Variants in SYT2 observed in about 807,000 individuals in gnomAD.
SYT2 encodes the protein synaptotagmin 2.
A neutral mutation model predicts 39.9 loss-of-function variants in SYT2; 15 were observed. The observed-to-expected ratio is 0.38, with a 90% CI of 0.25 to 0.58. The LOEUF (loss-of-function observed/expected upper bound fraction) is 0.58. Among genes scored for constraint, SYT2 ranks in the 20% least tolerant of loss-of-function variants. SYT2 has a pLI of 0.70. For missense variants in SYT2, 389 were observed against 530.3 expected, an observed-to-expected ratio of 0.73 and a Z score of 2.62; for synonymous variants, 181 against 204.5, an observed-to-expected ratio of 0.89 and a Z score of 0.98.
intron 1 of SYT2, among the ~76,000 whole-genome samples, chr1:202,610,501 G>A (rs1486261370): frequency 6.6e-6 from 1 of 152,106 alleles, no homozygotes; most frequent in Non-Finnish European, 1.5e-5. Context: ...GGAAATAAAG[G>A]GTATTCAGTT....
chr1:202,707,900 C>G (rs1284796420), intron 1 of SYT2, among the ~76,000 whole-genome samples: 5 of 152,306 alleles, frequency 3.3e-5, no homozygotes, highest in African/African-American at 1.2e-4. Flanking sequence ...AAGCCCACCC[C>G]CAGGTCTCTG....
At chr1:202,646,240 G>T (rs1692078882) in intron 1 of SYT2, among the ~76,000 whole-genome samples, 2 of 152,172 alleles carry the variant, frequency 1.3e-5, no homozygotes, top group Non-Finnish European at 1.5e-5. Flanking sequence ...ACCTGGCACT[G>T]CCCACTCCCT....
rs537887080 is a variant in SYT2, at chr1:202,678,011, T to C, written c.-18+32247A>G. ...GATTGGGGCCAGGCACAATGGCTCA[T>C]GCCTGTAATCCCAGCACTTTGAGAG... On this transcript the variant is annotated intron_variant, in intron 1 of 8. Coordinates refer to ENST00000367268, the MANE Select transcript of SYT2 (RefSeq NM_177402.5). Among the ~76,000 whole-genome samples, 20 of 152,348 alleles carry C rather than the reference T, an allele frequency of 1.3e-4. 1 individual carries two copies. The South Asian group carries it at 4.1e-3, about 32-fold the overall frequency.
In SYT2 at chr1:202,659,743, T is replaced by C. The variant is rs1046909430; in HGVS notation, c.-18+50515A>G. 2.0e-5 allele frequency among the ~76,000 whole-genome samples: 3 copies of C among 152,074 alleles called. No homozygotes were observed. In the East Asian group the frequency reaches 5.8e-4, roughly 29 times the overall value. ...ATGTTGGGTCTCTCTTGGGCACAGA[T>C]GGTTCTAGCTTAGGGGCAGCCAGGG... is the stretch of plus-strand genomic sequence containing the variant. On this transcript the variant is annotated intron_variant, in intron 1 of 8. Coordinates refer to ENST00000367268, the MANE Select transcript of SYT2 (RefSeq NM_177402.5).
chr1:202,604,775 T>G (rs1385067170), intron 2 of SYT2, among the ~76,000 whole-genome samples, 154 bp from the exon 3 acceptor site: 7 of 150,960 alleles, frequency 4.6e-5, no homozygotes, highest in Non-Finnish European at 8.8e-5. Flanking sequence ...GTGATTTGTA[T>G]GTAAGGTGCA....
chr1:202,594,675 CAG>C lies in SYT2; in HGVS notation c.*2080_*2081del, dbSNP rs991785565. ...AAGGACCGCAGTTCATAATCCTGAT[CAG>C]AGTCTTACCTTCCCATCATTAAGTA... On this transcript the variant is annotated 3_prime_UTR_variant, in exon 9 of 9. Transcript: ENST00000367268. 5 of 142,588 alleles carry C rather than the reference CAG, an allele frequency of 3.5e-5. No individual in the cohort carries two copies. The highest frequency in any genetic ancestry group is 1.0e-4 in the African/African-American group (4 of 39,784). 8.8% of individuals were successfully genotyped at this position (142,588 alleles called of 1,614,324 possible).
intron 1 of SYT2, among the ~76,000 whole-genome samples, chr1:202,704,605 C>T (rs535172050): frequency 4.6e-4 from 70 of 151,982 alleles, no homozygotes; most frequent in African/African-American, 1.7e-3. Flanking sequence ...CCACTAACTC[C>T]CATTCTCCCT....
intron 1 of SYT2, among the ~76,000 whole-genome samples, chr1:202,666,668 C>T (rs1217433731): frequency 2.0e-5 from 3 of 152,178 alleles, no homozygotes; most frequent in African/African-American, 7.2e-5. Context: ...CCCTAATCCT[C>T]TTATTAAATT....
chr1:202,617,186 G>A (rs1264230784), intron 1 of SYT2, among the ~76,000 whole-genome samples: 1 of 152,106 alleles, frequency 6.6e-6, no homozygotes, highest in East Asian at 1.9e-4. Flanking sequence ...TGTATATGCT[G>A]TGCCCCCTTC....
chr1:202,650,435 C>CTTTTTT (rs68013997), intron 1 of SYT2, among the ~76,000 whole-genome samples: 1 of 143,264 alleles, frequency 7.0e-6, no homozygotes, highest in Non-Finnish European at 1.5e-5. Context: ...GTTTCATATG[C>CTTTTTT]TTTTGTTTTT....
At chr1:202,610,205 G>A (rs1572621648) in intron 1 of SYT2, among the ~76,000 whole-genome samples, 1 of 151,964 alleles carries the variant, frequency 6.6e-6, no homozygotes, top group African/African-American at 2.4e-5. Context: ...GTAGATATGC[G>A]GCATTATTTC....
chr1:202,604,818 CTTTTTTTTTT>C (rs59944538), intron 2 of SYT2, among the ~76,000 whole-genome samples, 197 bp from the exon 3 acceptor site: 3 of 71,668 alleles, frequency 4.2e-5, no homozygotes, highest in African/African-American at 1.1e-4. Flanking sequence ...TCATGCCTTG[CTTTTTTTTTT>C]TTTTTTTTTT....
At chr1:202,680,318 G>A (rs890055738) in intron 1 of SYT2, among the ~76,000 whole-genome samples, 12 of 152,158 alleles carry the variant, frequency 7.9e-5, no homozygotes, top group African/African-American at 1.7e-4. Flanking sequence ...TAGAAAATTG[G>A]ACCTACCTAT....
In SYT2 at chr1:202,609,343, G is replaced by A. The variant is rs565927401; in HGVS notation, c.-17-3554C>T. Among the ~76,000 whole-genome samples, 8 of 152,170 alleles carry A rather than the reference G, an allele frequency of 5.3e-5. 1 individual carries two copies. In the East Asian group the frequency reaches 1.5e-3, roughly 29 times the overall value. On this transcript the variant is annotated intron_variant, in intron 1 of 8. Transcript: ENST00000367268. The stretch of plus-strand genomic sequence containing the variant: ...GAATAGTGCCGCAATGAACATACGT[G>A]TGCATGTGTCTTTATAATCCTTGAC...
At chr1:202,710,016 C>T (rs1654356672) in intron 1 of SYT2, among the ~76,000 whole-genome samples, 1 of 152,032 alleles carries the variant, frequency 6.6e-6, no homozygotes, top group South Asian at 2.1e-4. Flanking sequence ...CAGCCCCAGT[C>T]CCTCAGAGGA....
At chr1:202,666,968 C>T (rs1006261623) in intron 1 of SYT2, among the ~76,000 whole-genome samples, 7 of 152,048 alleles carry the variant, frequency 4.6e-5, no homozygotes, top group South Asian at 2.1e-4. Context: ...GGCAACTGAG[C>T]GAAACTCTGT....
At chr1:202,658,059 C>G (rs1692310652) in intron 1 of SYT2, among the ~76,000 whole-genome samples, 1 of 152,088 alleles carries the variant, frequency 6.6e-6, no homozygotes, top group African/African-American at 2.4e-5. Flanking sequence ...ATCGAGTGAC[C>G]TTGGGCAAGT....
chr1:202,597,610 G>A (rs1279612890), intron 8 of SYT2, among the ~76,000 whole-genome samples: 1 of 152,222 alleles, frequency 6.6e-6, no homozygotes, highest in Non-Finnish European at 1.5e-5. Context: ...CAGCCAAGGA[G>A]TCTGCATTTT....
At position 202,614,087 on chromosome 1, in the gene SYT2, T is replaced by A. The variant is rs1690961511; in HGVS notation, c.-17-8298A>T. On this transcript the variant is annotated intron_variant, in intron 1 of 8. Coordinates refer to ENST00000367268, the MANE Select transcript of SYT2 (RefSeq NM_177402.5). The surrounding 1 kb of genome is among the most constrained non-coding windows in gnomAD (Gnocchi z 4.0). Reference sequence around the variant, plus strand: ...GCACCGTAGAGGGACCCAAGGTTCATGGTGGATGCAGGCCTTCTCTCCAGA... The same window carrying A: ...GCACCGTAGAGGGACCCAAGGTTCAAGGTGGATGCAGGCCTTCTCTCCAGA... Among the ~76,000 whole-genome samples the A allele has an allele frequency of 6.6e-6, 1 of 152,158 alleles. No homozygotes were observed. The highest frequency in any genetic ancestry group is 2.4e-5 in the African/African-American group (1 of 41,432).
Sources: allele counts gnomAD v4.1 joint callset (sites outside exome capture counted in the v4.1 genomes callset), GRCh38; gene constraint gnomAD v4.1.1; non-coding constraint Gnocchi (gnomAD v3.1); transcripts MANE v1.5; gene names NCBI Gene and HGNC (gene_info 2026-07-23, HGNC 2026-07-21).